Variants in ZNF117 observed in about 807,000 individuals in gnomAD.
The protein encoded by ZNF117 is Krueppel-related zinc finger protein.
A neutral mutation model predicts 41.2 loss-of-function variants in ZNF117; 37 were observed. That is an observed-to-expected ratio of 0.90 (90% CI 0.69 to 1.18). ZNF117 has a LOEUF of 1.18. Among genes scored for constraint, ZNF117 ranks in the 50% most tolerant of loss-of-function variants. The pLI is 0.00. For synonymous variants in ZNF117, 186 were observed against 186.6 expected (o/e 1.00, Z 0.02); for missense variants, 546 against 557.5 (o/e 0.98, Z 0.21).
chr7:64,977,127 C>T (rs1276160162), exon 3 of ZNF117: 1 of 496,816 alleles, frequency 2.0e-6, no homozygotes, highest in African/African-American at 2.0e-5. Context: ...AAAAGCTTTA[C>T]CACATTCTTT....
At chr7:64,982,392 C>T (rs1194977911), upstream of ZNF117, among the ~76,000 whole-genome samples, 5 of 152,212 alleles carry the variant, frequency 3.3e-5, no homozygotes, top group East Asian at 3.9e-4. Flanking sequence ...AGGGCATAAA[C>T]GCCAACATGT....
At chr7:64,973,144 AAT>A (rs1195895005), downstream of ZNF117, 1 of 152,066 alleles carries the variant, frequency 6.6e-6, no homozygotes, top group Non-Finnish European at 1.5e-5. Context: ...CTAAAAAAAT[AAT>A]GAGTGAAAAA....
At chr7:64,989,495 ATAT>A (rs1584056413) in intron 1 of ZNF117, among the ~76,000 whole-genome samples, 1 of 113,090 alleles carries the variant, frequency 8.8e-6, no homozygotes, top group Non-Finnish European at 1.9e-5. Context: ...ATATATATAT[ATAT>A]AAAACCTGAA....
At chr7:64,978,166 C>T in exon 3 of ZNF117, 1 of 1,612,118 alleles carries the variant, frequency 6.2e-7, no homozygotes, top group Non-Finnish European at 8.5e-7. Flanking sequence ...TGTTTCTCTT[C>T]AGTATGAATT....
At chr7:64,975,562 G>A (rs1785866651) in exon 3 of ZNF117, 1 of 128,140 alleles carries the variant, frequency 7.8e-6, no homozygotes, top group Admixed American at 8.8e-5. Flanking sequence ...AGCAGCAATT[G>A]ATCACATGCT....
rs571890134 is a variant in ZNF117 at position 64,981,921 on chromosome 7, A to G, written c.-63+63T>C. On this transcript the variant is annotated intron_variant, in intron 1 of 2. Coordinates refer to ENST00000620222, the Ensembl canonical transcript of ZNF117. Reference sequence around the variant, plus strand: ...TTATGCAAAGCATAAATCACCAAAAACATTCTACAAAAAAGAGAATTAAAA... The same window carrying G: ...TTATGCAAAGCATAAATCACCAAAAGCATTCTACAAAAAAGAGAATTAAAA... 19 of 455,020 alleles carry G rather than the reference A, an allele frequency of 4.2e-5. No homozygotes were observed. The East Asian group carries it at 6.6e-4, about 16-fold the overall frequency. The allele number at this position is 455,020 out of a possible 1,614,324, so 28.2% of individuals were successfully genotyped here.
At chr7:64,979,801 T>TAA (rs1785986700) in intron 2 of ZNF117, 1 of 253,294 alleles carries the variant, frequency 3.9e-6, no homozygotes, top group African/African-American at 2.2e-5. Context: ...AGAGAAAAGT[T>TAA]GGTTACATTT....
At chr7:64,985,238 T>C (rs1307974876), upstream of ZNF117, among the ~76,000 whole-genome samples, 1 of 152,226 alleles carries the variant, frequency 6.6e-6, no homozygotes, top group African/African-American at 2.4e-5. Context: ...AAGTAATAAA[T>C]ATAAACCAAA....
chr7:64,979,655 C>T (rs773374826), intron 2 of ZNF117, 119 bp from the exon 4 acceptor site: 5 of 726,060 alleles, frequency 6.9e-6, no homozygotes, highest in Non-Finnish European at 1.0e-5. Flanking sequence ...CAAAATACCA[C>T]AGGTTCTAAT....
At chr7:64,972,325 CA>C (rs1231749291), downstream of ZNF117, 1 of 151,916 alleles carries the variant, frequency 6.6e-6, no homozygotes, top group Non-Finnish European at 1.5e-5. Flanking sequence ...CAAGTGAAAT[CA>C]GAATGAAGAA....
upstream of ZNF117, among the ~76,000 whole-genome samples, chr7:64,985,950 CAAAAAAA>C (rs66524694): frequency 1.2e-5 from 1 of 82,174 alleles, no homozygotes; most frequent in African/African-American, 5.3e-5. Context: ...GACTCCATCT[CAAAAAAA>C]AAAAAAAAAA....
At chr7:64,977,145 T>C in exon 3 of ZNF117, 1 of 485,480 alleles carries the variant, frequency 2.1e-6, no homozygotes. Flanking sequence ...TTTACATTTG[T>C]ACAGTTTCTC....
chr7:64,979,343 G>A lies in ZNF117; in HGVS notation c.228C>T (p.Thr76=), dbSNP rs377370404. Reference sequence around the variant, plus strand: ...TATTACATTGAAATATTTTGCTCAAGGTAGTTTTCAAACATTGGTTAAGTC... The same window carrying A: ...TATTACATTGAAATATTTTGCTCAAAGTAGTTTTCAAACATTGGTTAAGTC... Residue 76 remains threonine, a synonymous_variant, in exon 3 of 3, where the codon ACC becomes ACT. Transcript: ENST00000620222. 1.8e-5 allele frequency: 29 copies of A among 1,594,384 alleles called. No homozygotes were observed. The African/African-American group carries it at 3.9e-4, about 22-fold the overall frequency.
intron 1 of ZNF117, among the ~76,000 whole-genome samples, chr7:64,987,631 T>C (rs1250787681): frequency 6.6e-6 from 1 of 151,930 alleles, no homozygotes. Context: ...AGAATACAAA[T>C]AACTGTTGAA....
chr7:64,982,145 C>A (rs1169565910), upstream of ZNF117: 9 of 764,866 alleles, frequency 1.2e-5, no homozygotes, highest in Non-Finnish European at 2.0e-5. Context: ...CACACATACA[C>A]AAAATCACAT....
chr7:64,977,776 T>A (rs1785923412), exon 3 of ZNF117: 1 of 933,928 alleles, frequency 1.1e-6, no homozygotes, highest in Non-Finnish European at 1.7e-6. Context: ...GTAGTAAGAG[T>A]TGAGAACTGG....
At chr7:64,978,089 A>C in exon 3 of ZNF117, 2 of 1,595,850 alleles carry the variant, frequency 1.3e-6, no homozygotes, top group Non-Finnish European at 1.7e-6. Context: ...CTCCAGTATG[A>C]ATTTTCTTGT....
At chr7:64,985,955 A>AAAC (rs1338922613), upstream of ZNF117, among the ~76,000 whole-genome samples, 1 of 150,676 alleles carries the variant, frequency 6.6e-6, no homozygotes, top group Non-Finnish European at 1.5e-5. Context: ...CATCTCAAAA[A>AAAC]AAAAAAAAAA....
exon 3 of ZNF117, chr7:64,978,672 C>T: frequency 1.2e-6 from 2 of 1,609,764 alleles, no homozygotes; most frequent in Non-Finnish European, 8.5e-7. Flanking sequence ...CTTCTCTCCA[C>T]TATGAATTCT....
Sources: allele counts gnomAD v4.1 joint callset (sites outside exome capture counted in the v4.1 genomes callset), GRCh38; gene constraint gnomAD v4.1.1; transcripts MANE v1.5; gene names NCBI Gene and HGNC (gene_info 2026-07-23, HGNC 2026-07-21).